The following RGL1 variants were observed in gnomAD, a reference collection of about 807,000 sequenced individuals.
RGL1 encodes the protein ral guanine nucleotide dissociation stimulator like 1.
Under a neutral mutation model 95.2 loss-of-function variants are expected in RGL1, and 24 were observed. That is an observed-to-expected ratio of 0.25 (90% CI 0.18 to 0.35). The LOEUF (loss-of-function observed/expected upper bound fraction) is 0.35. Ranked by LOEUF, RGL1 falls within the 10% of genes least tolerant of loss-of-function variation. RGL1 has a pLI of 1.00. For synonymous variants in RGL1, 329 were observed against 344.9 expected (o/e 0.95, Z 0.51); for missense variants, 715 against 936.3 (o/e 0.76, Z 3.08).
chr1:183,761,394 T>G (rs1572381173), intron 2 of RGL1, among the ~76,000 whole-genome samples: 1 of 152,360 alleles, frequency 6.6e-6, no homozygotes. Flanking sequence ...CTCTGGCTCT[T>G]GGGTGACCAG....
intron 2 of RGL1, among the ~76,000 whole-genome samples, chr1:183,750,385 C>T (rs1350410646): frequency 6.6e-6 from 1 of 152,112 alleles, no homozygotes; most frequent in Non-Finnish European, 1.5e-5. Context: ...TCATGAAATT[C>T]TTGTGCTGTG....
At chr1:183,910,167 G>A (rs1558288901) in intron 14 of RGL1, among the ~76,000 whole-genome samples, 1 of 151,932 alleles carries the variant, frequency 6.6e-6, no homozygotes. Flanking sequence ...AGTGATCTTG[G>A]CTCACTGTAA....
At chr1:183,671,552 T>A (rs11803516) in intron 1 of RGL1, among the ~76,000 whole-genome samples, 10,861 of 152,172 alleles carry the variant, frequency 0.071, 677 homozygotes, top group African/African-American at 0.17. Context: ...TAGTTTCTTC[T>A]AAGCTTGCCA....
chr1:183,650,160 G>T (rs1400564324), intron 1 of RGL1, among the ~76,000 whole-genome samples: 1 of 152,002 alleles, frequency 6.6e-6, no homozygotes, highest in Non-Finnish European at 1.5e-5. Context: ...TTTGCTATAT[G>T]TGTATGTTAC....
chr1:183,647,609 T>C (rs1378277815), intron 1 of RGL1: 3 of 1,501,614 alleles, frequency 2.0e-6, no homozygotes, highest in Non-Finnish European at 8.8e-7. Context: ...AGAGAGAAAG[T>C]TTCCAGATTT....
intron 12 of RGL1, among the ~76,000 whole-genome samples, chr1:183,904,221 G>A (rs1054395424): frequency 6.6e-6 from 1 of 152,034 alleles, no homozygotes; most frequent in East Asian, 1.9e-4. Flanking sequence ...ACATAATTAT[G>A]TACTTGCCTC....
chr1:183,924,860 G>C (rs146119846), intron 17 of RGL1, among the ~76,000 whole-genome samples: 2,428 of 151,854 alleles, frequency 0.016, 70 homozygotes, highest in African/African-American at 0.055. Context: ...CAGCTACTTG[G>C]GGGGCTGAGA....
At chr1:183,729,185 T>C (rs1277979559) in intron 1 of RGL1, among the ~76,000 whole-genome samples, 1 of 40,292 alleles carries the variant, frequency 2.5e-5, no homozygotes, top group Non-Finnish European at 6.3e-5. Context: ...AAAATATATA[T>C]GTGTGTGTGT....
chr1:183,682,537 T>G (rs755667743), intron 1 of RGL1, among the ~76,000 whole-genome samples: 1 of 152,180 alleles, frequency 6.6e-6, no homozygotes, highest in Non-Finnish European at 1.5e-5. Context: ...AGAGACTGTT[T>G]TTTATGATTT....
chr1:183,643,773 A>G (rs1650104277), intron 1 of RGL1, among the ~76,000 whole-genome samples: 1 of 152,138 alleles, frequency 6.6e-6, no homozygotes, highest in Non-Finnish European at 1.5e-5. Context: ...TTATACCCAG[A>G]AGTGGAATTG....
At chr1:183,878,939 AT>A (rs1325558813) in intron 4 of RGL1, among the ~76,000 whole-genome samples, 1 of 152,226 alleles carries the variant, frequency 6.6e-6, no homozygotes, top group Non-Finnish European at 1.5e-5. Flanking sequence ...TGTTAATTAG[AT>A]TAATTCATCC....
chr1:183,655,645 G>C (rs1651103759), intron 1 of RGL1, among the ~76,000 whole-genome samples: 1 of 152,100 alleles, frequency 6.6e-6, no homozygotes, highest in African/African-American at 2.4e-5. Flanking sequence ...GAGCTCGGGG[G>C]GTTATAAACA....
At chr1:183,893,664 ATGTCTCAG>A (rs1219253087) in intron 9 of RGL1, among the ~76,000 whole-genome samples, 1 of 152,084 alleles carries the variant, frequency 6.6e-6, no homozygotes, top group Non-Finnish European at 1.5e-5. Context: ...CTTATCCTTC[ATGTCTCAG>A]TGTAGACTCC....
chr1:183,752,476 C>T (rs1320013009), intron 2 of RGL1, among the ~76,000 whole-genome samples: 7 of 152,102 alleles, frequency 4.6e-5, no homozygotes, highest in Non-Finnish European at 8.8e-5. Flanking sequence ...CCGCCCACCT[C>T]GGCCTCCCAA....
intron 2 of RGL1, among the ~76,000 whole-genome samples, chr1:183,785,761 C>A (rs998083617): frequency 6.6e-6 from 1 of 152,166 alleles, no homozygotes; most frequent in Non-Finnish European, 1.5e-5. Context: ...TGTAAATTGA[C>A]CTCTAATTAC....
intron 16 of RGL1, among the ~76,000 whole-genome samples, chr1:183,919,826 C>T (rs920313164): frequency 5.3e-5 from 8 of 152,182 alleles, no homozygotes; most frequent in Non-Finnish European, 5.9e-5. Context: ...TCGTTCAGTA[C>T]CGCGCATTCA....
chr1:183,667,873 A>G (rs1438904736), intron 1 of RGL1, among the ~76,000 whole-genome samples: 1 of 152,184 alleles, frequency 6.6e-6, no homozygotes, highest in Non-Finnish European at 1.5e-5. Flanking sequence ...ATTTATAACT[A>G]ATCTAAGTAC....
chr1:183,822,316 C>A (rs1662542853), intron 2 of RGL1, among the ~76,000 whole-genome samples: 2 of 150,292 alleles, frequency 1.3e-5, no homozygotes, highest in African/African-American at 4.9e-5. Flanking sequence ...ACATGTTTGA[C>A]TTTTTAAAAA....
chr1:183,645,185 A>G lies in RGL1; in HGVS notation c.-33+8684A>G, dbSNP rs1650199309. 2.0e-5 allele frequency among the ~76,000 whole-genome samples: 3 copies of G among 152,360 alleles called. No individual in the cohort carries two copies. In the South Asian group the frequency reaches 6.2e-4, roughly 32 times the overall value. On this transcript the variant is annotated intron_variant, in intron 1 of 18. Coordinates refer to the RGL1 transcript ENST00000304685. ...TACATGGAGAGGCTATGTAACCTGG[A>G]TGACTTGAATATATGCTTGCATATC...
Sources: gnomAD v4.1 joint callset for allele counts (sites outside exome capture counted in the v4.1 genomes callset) on GRCh38, gnomAD v4.1.1 for gene constraint, MANE v1.5 for transcripts, NCBI Gene and HGNC (gene_info 2026-07-23, HGNC 2026-07-21) for gene names.